Variants in ZRANB3 observed in about 807,000 individuals in gnomAD.
ZRANB3 encodes the protein DNA annealing helicase and endonuclease ZRANB3.
A neutral mutation model predicts 133.8 loss-of-function variants in ZRANB3; 125 were observed. The ratio of observed to expected loss-of-function variants is 0.93; its 90% CI spans 0.81 to 1.08. The LOEUF is 1.08. ZRANB3 is among the 50% of genes least tolerant of loss of function. The pLI, the probability that ZRANB3 is intolerant of heterozygous loss-of-function variation, is 0.00. For missense variants in ZRANB3, 1,229 were observed against 1,275.5 expected (o/e 0.96, Z 0.56); for synonymous variants, 387 against 432.7 (o/e 0.89, Z 1.31).
At chr2:135,438,450 A>G (rs1350320554) in intron 2 of ZRANB3, among the ~76,000 whole-genome samples, 1 of 151,496 alleles carries the variant, frequency 6.6e-6, no homozygotes, top group African/African-American at 2.4e-5. Flanking sequence ...GGGTGCAGTG[A>G]ACCAAGTTTG....
intron 8 of ZRANB3, among the ~76,000 whole-genome samples, chr2:135,288,189 A>G (rs1573836342): frequency 6.6e-6 from 1 of 152,138 alleles, no homozygotes; most frequent in African/African-American, 2.4e-5. Flanking sequence ...TATTGAGATG[A>G]TCATGTAATT....
In ZRANB3 at chr2:135,421,538, C is replaced by A. The variant is rs1056397816; in HGVS notation, c.162-30718G>T. ...GTAGCACTTTAAAGCTTCCATTAGT[C>A]ATCTTTCTTAATTTCTTTCTCACTG... On this transcript the variant is annotated intron_variant, in intron 2 of 20. Transcript: ENST00000264159. 5.3e-5 allele frequency among the ~76,000 whole-genome samples: 8 copies of A among 152,074 alleles called. 1 individual carries two copies. Among genetic ancestry groups the A allele is most frequent in the Admixed American group, 4.6e-4 (7 of 15,256 alleles).
At chr2:135,274,694 A>T (rs1418938747) in intron 9 of ZRANB3, among the ~76,000 whole-genome samples, 3 of 152,090 alleles carry the variant, frequency 2.0e-5, no homozygotes. Context: ...GCAGGGTCAT[A>T]GGACAATAGT....
intron 12 of ZRANB3, among the ~76,000 whole-genome samples, chr2:135,262,383 TATCAGAAAAATGTAA>T (rs1442627521): frequency 6.6e-6 from 1 of 152,162 alleles, no homozygotes; most frequent in Non-Finnish European, 1.5e-5. Context: ...AATTTTGTAT[TATCAGAAAAATGTAA>T]ATATTAATTT....
intron 9 of ZRANB3, among the ~76,000 whole-genome samples, chr2:135,274,910 C>T (rs1315542850): frequency 6.6e-6 from 1 of 152,190 alleles, no homozygotes; most frequent in East Asian, 1.9e-4. Context: ...TGAGTGGACA[C>T]AGCACATGTT....
At position 135,455,488 on chromosome 2, in the gene ZRANB3, G is replaced by A. The variant is rs1419107530; in HGVS notation, c.161+48841C>T. ...CAGGCGTGAGCCACCATGGCCGGCC[G>A]ACTTCTTACACTTTCTAACTACAAG... On this transcript the variant is annotated intron_variant, in intron 2 of 20. Coordinates refer to ENST00000264159, the MANE Select transcript of ZRANB3 (RefSeq NM_032143.4). Among the ~76,000 whole-genome samples, 5 of 145,902 alleles carry A rather than the reference G, an allele frequency of 3.4e-5. No homozygotes were observed. In the East Asian group the frequency reaches 6.3e-4, roughly 18 times the overall value.
intron 12 of ZRANB3, among the ~76,000 whole-genome samples, chr2:135,254,799 G>A (rs768468758): frequency 2.0e-5 from 3 of 151,582 alleles, no homozygotes; most frequent in Non-Finnish European, 2.9e-5. Flanking sequence ...CGCCCAGGCT[G>A]GAGTACAGTG....
At chr2:135,423,854 A>G (rs768591021) in intron 2 of ZRANB3, among the ~76,000 whole-genome samples, 14 of 152,252 alleles carry the variant, frequency 9.2e-5, no homozygotes, top group Non-Finnish European at 1.8e-4. Context: ...TGATCTGAAT[A>G]TGCTACCATC....
At chr2:135,362,251 C>A (rs994635149) in intron 3 of ZRANB3, among the ~76,000 whole-genome samples, 1 of 151,748 alleles carries the variant, frequency 6.6e-6, no homozygotes, top group Non-Finnish European at 1.5e-5. Context: ...ATTCTGTCTT[C>A]TTTTCTCATA....
chr2:135,340,797 A>C (rs1397511781), intron 6 of ZRANB3, among the ~76,000 whole-genome samples: 1 of 139,666 alleles, frequency 7.2e-6, no homozygotes, highest in Non-Finnish European at 1.5e-5. Flanking sequence ...TGGAGGTTGC[A>C]ATGAGCCAAG....
At chr2:135,316,834 T>C (rs1573898234) in intron 6 of ZRANB3, among the ~76,000 whole-genome samples, 1 of 151,708 alleles carries the variant, frequency 6.6e-6, no homozygotes, top group African/African-American at 2.4e-5. Flanking sequence ...GGCATGGTGG[T>C]GTGTGCCTGT....
chr2:135,298,516 C>A (rs1484185687), intron 8 of ZRANB3, among the ~76,000 whole-genome samples: 2 of 152,138 alleles, frequency 1.3e-5, no homozygotes, highest in South Asian at 2.1e-4. Flanking sequence ...GGGTGATCCC[C>A]TGATGTGGTG....
At chr2:135,448,239 T>G (rs184504040) in intron 2 of ZRANB3, among the ~76,000 whole-genome samples, 147 of 152,340 alleles carry the variant, frequency 9.6e-4, no homozygotes, top group African/African-American at 3.4e-3. Flanking sequence ...ATCTTTCCTC[T>G]TTTAACAAAG....
intron 7 of ZRANB3, among the ~76,000 whole-genome samples, chr2:135,314,576 T>C (rs1181408718): frequency 6.6e-6 from 1 of 152,190 alleles, no homozygotes; most frequent in African/African-American, 2.4e-5. Context: ...AAACTGGTTT[T>C]CTGATATACT....
intron 8 of ZRANB3, 114 bp from the exon 9 acceptor site, chr2:135,275,869 G>T (rs988547248): frequency 8.6e-6 from 7 of 817,366 alleles, no homozygotes; most frequent in African/African-American, 1.8e-5. Context: ...TGAACTTTTA[G>T]CTGCATTGTT....
chr2:135,248,025 G>C (rs1298312160), intron 12 of ZRANB3, among the ~76,000 whole-genome samples: 1 of 152,164 alleles, frequency 6.6e-6, no homozygotes, highest in Admixed American at 6.5e-5. Flanking sequence ...CAACAGGCCT[G>C]TACCTCCCTG....
At chr2:135,479,196 A>T (rs1691645950) in intron 2 of ZRANB3, among the ~76,000 whole-genome samples, 1 of 152,118 alleles carries the variant, frequency 6.6e-6, no homozygotes, top group Admixed American at 6.6e-5. Flanking sequence ...TCCAACAGAA[A>T]TTAATACATA....
At chr2:135,338,003 C>A (rs1410077993) in intron 6 of ZRANB3, among the ~76,000 whole-genome samples, 1 of 152,146 alleles carries the variant, frequency 6.6e-6, no homozygotes, top group Non-Finnish European at 1.5e-5. Flanking sequence ...AGCTCCAAAT[C>A]TAAAGTATAA....
chr2:135,421,829 G>T (rs1688856318), intron 2 of ZRANB3, among the ~76,000 whole-genome samples: 1 of 146,534 alleles, frequency 6.8e-6, no homozygotes. Context: ...TGTGGTTAAT[G>T]TCTTTCCCTT....
Sources: gnomAD v4.1 joint callset for allele counts (sites outside exome capture counted in the v4.1 genomes callset) on GRCh38, gnomAD v4.1.1 for gene constraint, MANE v1.5 for transcripts, NCBI Gene and HGNC (gene_info 2026-07-23, HGNC 2026-07-21) for gene names.